Variants in USH2A observed in about 807,000 individuals in gnomAD.
USH2A encodes the protein Usher syndrome 2A (autosomal recessive, mild).
USH2A carries 443 observed loss-of-function variants against 538.9 expected under a neutral mutation model. That is an observed-to-expected ratio of 0.82 (90% CI 0.76 to 0.89). The LOEUF (loss-of-function observed/expected upper bound fraction) is 0.89. USH2A is among the 40% of genes least tolerant of loss of function. The pLI, the probability that USH2A is intolerant of heterozygous loss-of-function variation, is 0.00. For missense variants in USH2A, 6,633 were observed against 6,324.8 expected, an observed-to-expected ratio of 1.05 and a Z score of -1.65; for synonymous variants, 2,413 against 2,273.5, an observed-to-expected ratio of 1.06 and a Z score of -1.75.
At chr1:215,978,128 A>C (rs76338291) in intron 35 of USH2A, among the ~76,000 whole-genome samples, 2,828 of 152,294 alleles carry the variant, frequency 0.019, 80 homozygotes, top group African/African-American at 0.065. Flanking sequence ...GCCTTTCTTA[A>C]AAAAGAAAAT....
At chr1:216,063,136 A>G (rs2031238945) in intron 30 of USH2A, among the ~76,000 whole-genome samples, 1 of 152,222 alleles carries the variant, frequency 6.6e-6, no homozygotes, top group African/African-American at 2.4e-5. Flanking sequence ...ACTGCTCAAT[A>G]GCAAAACTGT....
At chr1:216,042,904 C>T (rs1035534654) in intron 32 of USH2A, among the ~76,000 whole-genome samples, 2 of 152,016 alleles carry the variant, frequency 1.3e-5, no homozygotes, top group Admixed American at 1.3e-4. Context: ...AAAGAAAGTC[C>T]ATGTGCACCT....
chr1:215,876,217 T>G lies in USH2A; in HGVS notation c.8681+1541A>C, dbSNP rs1254911323. ...GAGAATAGTATAATGAGCATTATAA[T>G]TTAGGATAAGCAACATGGATCTGCT... On this transcript the variant is annotated intron_variant, in intron 43 of 71. Transcript: ENST00000307340. Among the ~76,000 whole-genome samples, 3 of 152,254 alleles carry G rather than the reference T, an allele frequency of 2.0e-5. No homozygotes were observed. In the East Asian group the frequency reaches 5.8e-4, roughly 29 times the overall value.
intron 64 of USH2A, among the ~76,000 whole-genome samples, chr1:215,663,856 T>G (rs538733508): frequency 2.0e-5 from 3 of 152,206 alleles, no homozygotes; most frequent in African/African-American, 7.2e-5. Flanking sequence ...TCCAATGCTA[T>G]ATCTATTCAC....
chr1:215,742,127 C>T (rs903434400), intron 59 of USH2A, among the ~76,000 whole-genome samples: 3 of 152,108 alleles, frequency 2.0e-5, no homozygotes, highest in Admixed American at 2.0e-4. Flanking sequence ...CAATACCCCT[C>T]AAACAAAAAT....
At chr1:215,814,016 A>C in intron 48 of USH2A, 112 bp from the exon 49 acceptor site, 1 of 1,168,638 alleles carries the variant, frequency 8.6e-7, no homozygotes, top group Admixed American at 2.1e-5. Context: ...ATCTGAGACC[A>C]TATTACTCAT....
At chr1:215,964,562 G>A (rs1169678228) in intron 37 of USH2A, among the ~76,000 whole-genome samples, 1 of 152,134 alleles carries the variant, frequency 6.6e-6, no homozygotes, top group Non-Finnish European at 1.5e-5. Context: ...ATGTCTGACT[G>A]AATCCACGAT....
chr1:215,802,654 T>C (rs1340090378), intron 49 of USH2A, among the ~76,000 whole-genome samples: 1 of 152,106 alleles, frequency 6.6e-6, no homozygotes, highest in Non-Finnish European at 1.5e-5. Flanking sequence ...TATGCGTTGT[T>C]GGGAATATAA....
intron 21 of USH2A, among the ~76,000 whole-genome samples, chr1:216,113,496 C>T (rs182131611): frequency 7.2e-5 from 11 of 152,176 alleles, no homozygotes; most frequent in Admixed American, 6.5e-4. Context: ...AACTAGTATT[C>T]GATAGATTTA....
At chr1:216,068,349 AG>A (rs1461206565) in intron 30 of USH2A, among the ~76,000 whole-genome samples, 1 of 152,070 alleles carries the variant, frequency 6.6e-6, no homozygotes, top group East Asian at 1.9e-4. Flanking sequence ...TAACAATGGG[AG>A]ATAAAAGAGT....
chr1:216,373,769 TG>T (rs371150371), intron 3 of USH2A, among the ~76,000 whole-genome samples: 89,574 of 151,270 alleles, frequency 0.59, 27,421 homozygotes, highest in East Asian at 0.84. Flanking sequence ...TTAGTTGTCA[TG>T]ACTCTAAGTT....
At chr1:215,785,088 T>G (rs1395548277) in intron 52 of USH2A, among the ~76,000 whole-genome samples, 1 of 152,196 alleles carries the variant, frequency 6.6e-6, no homozygotes. Flanking sequence ...ATTTTTTGTT[T>G]GTATAGTGTT....
At chr1:215,723,071 GC>G (rs1176551909) in intron 61 of USH2A, among the ~76,000 whole-genome samples, 1 of 152,088 alleles carries the variant, frequency 6.6e-6, no homozygotes, top group Non-Finnish European at 1.5e-5. Context: ...TCATCACAGA[GC>G]TAATTGGGAA....
intron 9 of USH2A, among the ~76,000 whole-genome samples, chr1:216,312,298 G>A (rs1420777331): frequency 6.6e-6 from 1 of 151,816 alleles, no homozygotes; most frequent in Admixed American, 6.6e-5. Flanking sequence ...CTTCAGCCAG[G>A]CTCCTTTTAA....
chr1:216,074,790 C>T (rs2031693429), intron 27 of USH2A, among the ~76,000 whole-genome samples: 1 of 152,138 alleles, frequency 6.6e-6, no homozygotes, highest in Non-Finnish European at 1.5e-5. Context: ...TCTCTGTACC[C>T]TAACTTCCCT....
intron 23 of USH2A, among the ~76,000 whole-genome samples, chr1:216,088,468 T>G (rs771945283): frequency 2.6e-5 from 4 of 152,176 alleles, no homozygotes; most frequent in Non-Finnish European, 4.4e-5. Context: ...AGATATTTCC[T>G]GAATAATTTA....
chr1:215,818,958 T>C (rs1175593425), intron 47 of USH2A, among the ~76,000 whole-genome samples: 3 of 151,754 alleles, frequency 2.0e-5, no homozygotes, highest in Non-Finnish European at 4.4e-5. Flanking sequence ...AAGGTAAATA[T>C]AAAAATTATA....
chr1:215,844,241 A>G lies in USH2A; in HGVS notation c.9258+53T>C, dbSNP rs1040508624. ...TATCCACTTGAAGACATAGCCTGGCATGTTTTATTTAACATATCCATAAGC... is the reference window on the plus strand; with the variant it reads ...TATCCACTTGAAGACATAGCCTGGCGTGTTTTATTTAACATATCCATAAGC... On this transcript the variant is annotated intron_variant, in intron 46 of 71. Coordinates refer to ENST00000307340, the MANE Select transcript of USH2A (RefSeq NM_206933.4). The G allele has an allele frequency of 4.5e-6, 7 of 1,560,798 alleles. No individual in the cohort carries two copies. The African/African-American group carries it at 9.5e-5, about 21-fold the overall frequency.
chr1:215,833,419 CA>C (rs1663380448), intron 47 of USH2A, among the ~76,000 whole-genome samples: 1 of 151,548 alleles, frequency 6.6e-6, no homozygotes, highest in Admixed American at 6.6e-5. Flanking sequence ...TGATTTTTGA[CA>C]AAAATCTAAA....
Sources: gnomAD v4.1 joint callset for allele counts (sites outside exome capture counted in the v4.1 genomes callset) on GRCh38, gnomAD v4.1.1 for gene constraint, MANE v1.5 for transcripts, NCBI Gene and HGNC (gene_info 2026-07-23, HGNC 2026-07-21) for gene names.